ATRNL1: variants seen among roughly 807,000 people sequenced by gnomAD.
ATRNL1 encodes the protein attractin like 1.
Under a neutral mutation model 182.7 loss-of-function variants are expected in ATRNL1, and 95 were observed. The observed-to-expected ratio is 0.52, with a 90% confidence interval of 0.44 to 0.62. The LOEUF is 0.62. ATRNL1 is among the 20% of genes least tolerant of loss of function. The probability of loss-of-function intolerance (pLI) is 0.00; values close to 1 mark genes in which losing one functional copy is unlikely to be tolerated. For synonymous variants in ATRNL1, 576 were observed against 568.3 expected (o/e 1.01, Z -0.19); for missense variants, 1,471 against 1,679.5 (o/e 0.88, Z 2.17).
At chr10:115,361,554 A>G (rs1554944224) in intron 19 of ATRNL1, among the ~76,000 whole-genome samples, 5 of 152,078 alleles carry the variant, frequency 3.3e-5, no homozygotes, top group Admixed American at 3.3e-4. Context: ...ATTTTCATAC[A>G]TATGCACAAC....
In ATRNL1 at chr10:115,684,728, G is replaced by A. The variant is rs141415775; in HGVS notation, c.3796-42520G>A. On this transcript the variant is annotated intron_variant, in intron 26 of 28. Coordinates refer to ENST00000355044, the MANE Select transcript of ATRNL1 (RefSeq NM_207303.4). ...TCTACAAAAATTAGAATGACTGTAT[G>A]TTCATTACAGAGTTGTTGGGTAAAT... 1.4e-3 allele frequency among the ~76,000 whole-genome samples: 214 copies of A among 151,630 alleles called. 1 individual carries two copies. The highest frequency in any genetic ancestry group is 4.5e-3 in the African/African-American group (185 of 41,500).
chr10:115,591,817 C>T (rs1001297066), intron 26 of ATRNL1, among the ~76,000 whole-genome samples: 1 of 152,188 alleles, frequency 6.6e-6, no homozygotes, highest in Admixed American at 6.5e-5. Flanking sequence ...TATCCCATTA[C>T]TGCACATGTA....
intron 24 of ATRNL1, among the ~76,000 whole-genome samples, chr10:115,503,587 C>G (rs1592751899): frequency 6.6e-6 from 1 of 151,942 alleles, no homozygotes; most frequent in Non-Finnish European, 1.5e-5. Context: ...TTGTTTTAAC[C>G]AATTATGTAG....
intron 24 of ATRNL1, among the ~76,000 whole-genome samples, chr10:115,487,905 T>A (rs1849104882): frequency 6.6e-6 from 1 of 150,926 alleles, no homozygotes; most frequent in Admixed American, 6.6e-5. Context: ...ATATGTTTCA[T>A]CCTAGTTTAT....
chr10:115,892,158 T>C (rs1849307434), intron 28 of ATRNL1, among the ~76,000 whole-genome samples: 1 of 152,186 alleles, frequency 6.6e-6, no homozygotes, highest in African/African-American at 2.4e-5. Flanking sequence ...TTTTCTCGCC[T>C]CAGAAAGATA....
At chr10:115,740,750 C>A (rs999478865) in intron 27 of ATRNL1, among the ~76,000 whole-genome samples, 2 of 151,972 alleles carry the variant, frequency 1.3e-5, no homozygotes, top group Non-Finnish European at 2.9e-5. Flanking sequence ...AAGTGATCTA[C>A]CTGCCTTAGC....
intron 21 of ATRNL1, among the ~76,000 whole-genome samples, chr10:115,457,694 A>T (rs1178577892): frequency 5.3e-5 from 8 of 151,966 alleles, no homozygotes; most frequent in Non-Finnish European, 8.8e-5. Flanking sequence ...CTTCCAAATG[A>T]TCCCGCCACC....
chr10:115,421,058 A>G (rs1845627530), intron 20 of ATRNL1, among the ~76,000 whole-genome samples: 1 of 152,028 alleles, frequency 6.6e-6, no homozygotes, highest in African/African-American at 2.4e-5. Context: ...TAAAACAAAG[A>G]CTCCTATCAA....
chr10:115,579,318 A>G (rs2133881859), intron 26 of ATRNL1, among the ~76,000 whole-genome samples: 1 of 151,590 alleles, frequency 6.6e-6, no homozygotes, highest in East Asian at 1.9e-4. Flanking sequence ...ATTGCTGTCT[A>G]TTTCTCTCTT....
At chr10:115,545,160 G>A (rs897142709) in intron 25 of ATRNL1, among the ~76,000 whole-genome samples, 39 of 149,630 alleles carry the variant, frequency 2.6e-4, no homozygotes, top group African/African-American at 6.7e-4. Flanking sequence ...GCGTGAACCC[G>A]GGAGGCGGAG....
At chr10:115,344,794 C>T (rs1362563097) in intron 19 of ATRNL1, among the ~76,000 whole-genome samples, 1 of 152,194 alleles carries the variant, frequency 6.6e-6, no homozygotes, top group Non-Finnish European at 1.5e-5. Context: ...CAACATAGAA[C>T]GTGGGTATTG....
At chr10:115,771,230 CT>C (rs35473711) in intron 27 of ATRNL1, among the ~76,000 whole-genome samples, 62,754 of 131,314 alleles carry the variant, frequency 0.48, 14,587 homozygotes, top group African/African-American at 0.66. Context: ...AGGATTCTTA[CT>C]TTTTTTTTTT....
chr10:115,515,848 C>T (rs1284282960), intron 24 of ATRNL1, among the ~76,000 whole-genome samples: 3 of 151,860 alleles, frequency 2.0e-5, no homozygotes, highest in Non-Finnish European at 2.9e-5. Context: ...TCTTAACCAA[C>T]AAAATCAACC....
At chr10:115,378,563 G>A (rs1433614747) in intron 19 of ATRNL1, among the ~76,000 whole-genome samples, 2 of 152,162 alleles carry the variant, frequency 1.3e-5, no homozygotes, top group African/African-American at 4.8e-5. Context: ...TCTCACAGTG[G>A]CAGAGGAGTT....
intron 24 of ATRNL1, among the ~76,000 whole-genome samples, chr10:115,483,312 G>C (rs1554974552): frequency 2.6e-5 from 4 of 151,226 alleles, no homozygotes; most frequent in Non-Finnish European, 5.9e-5. Flanking sequence ...TTCACGCTGG[G>C]AAAAAAATTG....
At chr10:115,152,346 A>G (rs2143916592) in intron 5 of ATRNL1, among the ~76,000 whole-genome samples, 1 of 152,332 alleles carries the variant, frequency 6.6e-6, no homozygotes, top group South Asian at 2.1e-4. Context: ...CCTGTCCACG[A>G]GCATGGAATG....
intron 7 of ATRNL1, 91 bp from the exon 8 acceptor site, chr10:115,170,946 A>C (rs545393284): frequency 5.0e-6 from 4 of 802,366 alleles, no homozygotes; most frequent in Non-Finnish European, 6.9e-6. Context: ...CAATTACTAA[A>C]ATTTTATGTA....
chr10:115,731,046 T>C (rs1555062606), intron 27 of ATRNL1, among the ~76,000 whole-genome samples: 1 of 152,166 alleles, frequency 6.6e-6, no homozygotes, highest in Non-Finnish European at 1.5e-5. Flanking sequence ...GATGATTGGA[T>C]GGTGCCCACC....
At chr10:115,781,416 C>T (rs143275301) in intron 27 of ATRNL1, among the ~76,000 whole-genome samples, 1,855 of 152,202 alleles carry the variant, frequency 0.012, 138 homozygotes, top group Admixed American at 0.11. Context: ...TTTATGGCAG[C>T]GCTCTGTATA....
Sources: gnomAD v4.1 joint callset for allele counts (sites outside exome capture counted in the v4.1 genomes callset) on GRCh38, gnomAD v4.1.1 for gene constraint, MANE v1.5 for transcripts, NCBI Gene and HGNC (gene_info 2026-07-23, HGNC 2026-07-21) for gene names.